MOXD1: variants seen among roughly 807,000 people sequenced by gnomAD.
The protein encoded by MOXD1 is monooxygenase DBH like 1, also known as DBH-like monooxygenase protein 1.
A neutral mutation model predicts 66.6 loss-of-function variants in MOXD1; 62 were observed. The observed-to-expected ratio is 0.93, with a 90% confidence interval of 0.76 to 1.15. The LOEUF is 1.15. MOXD1 is among the 50% of genes most tolerant of loss of function. The pLI is 0.00. For synonymous variants in MOXD1, 303 were observed against 281.9 expected, an observed-to-expected ratio of 1.07 and a Z score of -0.75; for missense variants, 847 against 754.6, an observed-to-expected ratio of 1.12 and a Z score of -1.44.
chr6:132,304,209 C>A (rs1289969842), intron 10 of MOXD1, among the ~76,000 whole-genome samples: 2 of 151,980 alleles, frequency 1.3e-5, no homozygotes, highest in East Asian at 1.9e-4. Context: ...TTGAGGGAAC[C>A]TTCCAATTGT....
At position 132,367,245 on chromosome 6, in the gene MOXD1, T is replaced by C. The variant is rs143959575; in HGVS notation, c.663+5363A>G. ...AGGGTTGACTTGTTTGGGATCCCTC[T>C]GTAATCCAGAAACCTAACAAGATGA... is the stretch of plus-strand genomic sequence containing the variant. On this transcript the variant is annotated intron_variant, in intron 4 of 11. Coordinates refer to ENST00000367963, the MANE Select transcript of MOXD1 (RefSeq NM_015529.4). Among the ~76,000 whole-genome samples, 516 of 152,224 alleles carry C rather than the reference T, an allele frequency of 3.4e-3. 5 individuals carry two copies. The highest frequency in any genetic ancestry group is 0.012 in the African/African-American group (493 of 41,560).
At chr6:132,359,488 C>CTTTTTTTT (rs568516620) in intron 4 of MOXD1, among the ~76,000 whole-genome samples, 2 of 129,544 alleles carry the variant, frequency 1.5e-5, no homozygotes, top group Admixed American at 7.7e-5. Flanking sequence ...TTTTCTTTTT[C>CTTTTTTTT]TTTTTTTTTT....
intron 1 of MOXD1, among the ~76,000 whole-genome samples, chr6:132,397,638 GAAAGAA>G (rs1562303266): frequency 9.2e-4 from 26 of 28,386 alleles, no homozygotes; most frequent in Admixed American, 4.5e-3. Flanking sequence ...GAGAGAGACA[GAAAGAA>G]AGAAAGAAAG....
At chr6:132,345,498 A>G (rs1193231184) in intron 4 of MOXD1, among the ~76,000 whole-genome samples, 1 of 152,180 alleles carries the variant, frequency 6.6e-6, no homozygotes, top group Non-Finnish European at 1.5e-5. Context: ...TAGTTCTCAA[A>G]ATGTTAGTTC....
intron 1 of MOXD1, among the ~76,000 whole-genome samples, chr6:132,394,239 T>G (rs1776826924): frequency 6.6e-6 from 1 of 152,078 alleles, no homozygotes; most frequent in Non-Finnish European, 1.5e-5. Flanking sequence ...ACAGAGACTA[T>G]ACAACCACCC....
At chr6:132,372,335 T>C (rs2114661279) in intron 4 of MOXD1, among the ~76,000 whole-genome samples, 1 of 152,282 alleles carries the variant, frequency 6.6e-6, no homozygotes, top group East Asian at 1.9e-4. Flanking sequence ...ATTGTAGAAA[T>C]GTTGCCTAAA....
intron 4 of MOXD1, among the ~76,000 whole-genome samples, chr6:132,341,858 C>T (rs1775569741): frequency 6.6e-6 from 1 of 152,202 alleles, no homozygotes; most frequent in Admixed American, 6.5e-5. Context: ...GAACTTCTTT[C>T]AGGAGGCAGT....
At chr6:132,364,539 G>C (rs1562293958) in intron 4 of MOXD1, among the ~76,000 whole-genome samples, 1 of 152,168 alleles carries the variant, frequency 6.6e-6, no homozygotes, top group Non-Finnish European at 1.5e-5. Flanking sequence ...TCCAGTGAAT[G>C]AGAAAGAGAG....
At chr6:132,364,888 A>C (rs1432216005) in intron 4 of MOXD1, among the ~76,000 whole-genome samples, 1 of 152,210 alleles carries the variant, frequency 6.6e-6, no homozygotes, top group East Asian at 1.9e-4. Flanking sequence ...ATTCCACACT[A>C]GTAGGCTGAG....
At chr6:132,334,789 A>G (rs1180331813) in intron 4 of MOXD1, among the ~76,000 whole-genome samples, 1 of 152,232 alleles carries the variant, frequency 6.6e-6, no homozygotes, top group African/African-American at 2.4e-5. Flanking sequence ...AAAGGACACA[A>G]TATGATTGAA....
chr6:132,365,170 A>T (rs567161081), intron 4 of MOXD1, among the ~76,000 whole-genome samples: 2 of 152,158 alleles, frequency 1.3e-5, no homozygotes, highest in South Asian at 2.1e-4. Flanking sequence ...GCCTCTTTTT[A>T]AAAAATCAAG....
intron 1 of MOXD1, among the ~76,000 whole-genome samples, chr6:132,376,430 A>G (rs1441055239): frequency 2.0e-5 from 3 of 151,990 alleles, no homozygotes; most frequent in Non-Finnish European, 4.4e-5. Flanking sequence ...TTAGTATGTT[A>G]AAACCCCAAA....
chr6:132,314,881 T>C (rs1774907383), intron 10 of MOXD1, among the ~76,000 whole-genome samples: 1 of 152,210 alleles, frequency 6.6e-6, no homozygotes, highest in Non-Finnish European at 1.5e-5. Flanking sequence ...GTTTATTATA[T>C]CTTAAATAGC....
At chr6:132,306,322 T>C (rs954293068) in intron 10 of MOXD1, among the ~76,000 whole-genome samples, 1 of 151,432 alleles carries the variant, frequency 6.6e-6, no homozygotes, top group Non-Finnish European at 1.5e-5. Context: ...GAAAAAAGAA[T>C]GAAAAGGAAT....
chr6:132,315,597 A>C, intron 10 of MOXD1, 38 bp downstream of exon 10: 1 of 1,574,388 alleles, frequency 6.4e-7, no homozygotes. Context: ...CTTTCTCTGA[A>C]ATACGTTACC....
At chr6:132,315,243 T>C (rs1268886686) in intron 10 of MOXD1, among the ~76,000 whole-genome samples, 1 of 152,232 alleles carries the variant, frequency 6.6e-6, no homozygotes, top group East Asian at 1.9e-4. Context: ...TTGTCACAAT[T>C]TGATGATGGT....
intron 9 of MOXD1, among the ~76,000 whole-genome samples, chr6:132,317,616 T>C (rs185439613): frequency 6.6e-6 from 1 of 152,268 alleles, no homozygotes; most frequent in Admixed American, 6.5e-5. Context: ...TGAGGTTTGG[T>C]TGTGTTGGCC....
chr6:132,351,205 C>A (rs1265536125), intron 4 of MOXD1, among the ~76,000 whole-genome samples: 1 of 152,078 alleles, frequency 6.6e-6, no homozygotes, highest in South Asian at 2.1e-4. Context: ...GATTGGGCAT[C>A]CTTGTCTTGT....
intron 4 of MOXD1, among the ~76,000 whole-genome samples, chr6:132,332,504 A>G (rs529212692): frequency 6.6e-6 from 1 of 152,260 alleles, no homozygotes; most frequent in Non-Finnish European, 1.5e-5. Flanking sequence ...AAATAGAAGA[A>G]TAATTTCTAG....
Sources: gnomAD v4.1 joint callset for allele counts (sites outside exome capture counted in the v4.1 genomes callset) on GRCh38, gnomAD v4.1.1 for gene constraint, MANE v1.5 for transcripts, NCBI Gene and HGNC (gene_info 2026-07-23, HGNC 2026-07-21) for gene names.